MACROD2: variants seen among roughly 807,000 people sequenced by gnomAD.
MACROD2 encodes the protein mono-ADP ribosylhydrolase 2, also known as ADP-ribose glycohydrolase MACROD2.
Under a neutral mutation model 70.4 loss-of-function variants are expected in MACROD2, and 36 were observed. That is an observed-to-expected ratio of 0.51 (90% CI 0.39 to 0.68). The LOEUF (loss-of-function observed/expected upper bound fraction) is 0.68, where lower values mean the gene tolerates loss of function less well. Among genes scored for constraint, MACROD2 ranks in the 30% least tolerant of loss-of-function variants. MACROD2 has a pLI of 0.00. For synonymous variants in MACROD2, 172 were observed against 178.8 expected (o/e 0.96, Z 0.30); for missense variants, 496 against 538.4 (o/e 0.92, Z 0.78).
intron 3 of MACROD2, among the ~76,000 whole-genome samples, chr20:14,420,232 T>C (rs1170060293): frequency 6.6e-6 from 1 of 151,730 alleles, no homozygotes; most frequent in Non-Finnish European, 1.5e-5. Flanking sequence ...ACCACTCATA[T>C]GAGTAGTTTT....
chr20:15,643,546 T>C (rs2049494509), intron 8 of MACROD2, among the ~76,000 whole-genome samples: 1 of 146,214 alleles, frequency 6.8e-6, no homozygotes. Flanking sequence ...TTATGGAATA[T>C]GGTTTGTTTG....
At chr20:14,946,240 T>C (rs775211272) in intron 5 of MACROD2, among the ~76,000 whole-genome samples, 7 of 152,114 alleles carry the variant, frequency 4.6e-5, no homozygotes, top group Non-Finnish European at 7.4e-5. Context: ...TCAGTGAATG[T>C]TGTGGAATAA....
chr20:15,743,932 AT>A (rs1237108262), intron 8 of MACROD2, among the ~76,000 whole-genome samples: 4 of 152,150 alleles, frequency 2.6e-5, no homozygotes, highest in Non-Finnish European at 4.4e-5. Context: ...TCAAAAAGGA[AT>A]GCCTGTGTAA....
intron 6 of MACROD2, among the ~76,000 whole-genome samples, chr20:15,342,742 G>GA (rs1444647369): frequency 6.6e-6 from 1 of 152,160 alleles, no homozygotes; most frequent in African/African-American, 2.4e-5. Context: ...GAGAAAGCAA[G>GA]AAAAGAGTGA....
At chr20:15,920,214 T>C (rs999872517) in intron 10 of MACROD2, among the ~76,000 whole-genome samples, 2 of 152,200 alleles carry the variant, frequency 1.3e-5, no homozygotes, top group African/African-American at 4.8e-5. Context: ...TCACAAAATA[T>C]ATGCAGAAAG....
At chr20:16,019,190 C>T (rs1231555978) in intron 15 of MACROD2, among the ~76,000 whole-genome samples, 1 of 152,018 alleles carries the variant, frequency 6.6e-6, no homozygotes, top group East Asian at 1.9e-4. Flanking sequence ...CAAAGAGAAC[C>T]AAAATTTGAA....
At position 14,297,111 on chromosome 20, in the gene MACROD2, TAATC is replaced by T. The variant is rs536734771; in HGVS notation, c.272-196364_272-196361del. 2.1e-3 allele frequency among the ~76,000 whole-genome samples: 321 copies of T among 151,982 alleles called. 1 individual carries two copies. Among genetic ancestry groups the T allele is most frequent in the Non-Finnish European group, 3.4e-3 (232 of 68,002 alleles). On this transcript the variant is annotated intron_variant, in intron 3 of 17. Coordinates refer to ENST00000684519, the MANE Select transcript of MACROD2 (RefSeq NM_001351661.2). The stretch of plus-strand genomic sequence containing the variant: ...CTGAGCACATATAAGATGGCAAACT[TAATC>T]AATAAATGTGTGTGTTTCTTCTTAC...
At chr20:15,127,057 TC>T (rs1326932663) in intron 5 of MACROD2, among the ~76,000 whole-genome samples, 1 of 152,104 alleles carries the variant, frequency 6.6e-6, no homozygotes, top group East Asian at 1.9e-4. Context: ...GCAGAACACT[TC>T]CACTGCCACA....
chr20:15,263,884 A>G (rs2077270264), intron 6 of MACROD2, among the ~76,000 whole-genome samples: 2 of 152,210 alleles, frequency 1.3e-5, no homozygotes, highest in East Asian at 1.9e-4. Flanking sequence ...TTGATTTTGT[A>G]TCCTGAAATT....
Position 16,050,008 on chromosome 20 carries a change from T to A in MACROD2, c.*132T>A. On this transcript the variant is annotated 3_prime_UTR_variant, in exon 18 of 18. Transcript: ENST00000684519. The stretch of plus-strand genomic sequence containing the variant: ...AGGACGGGGAATCCTTTACTCTAAT[T>A]TCTCCAGCTGCATTTTGTTCCGTTT... The A allele has an allele frequency of 1.5e-6, 1 of 672,370 alleles. No homozygotes were observed. Among genetic ancestry groups the A allele is most frequent in the Non-Finnish European group, 2.4e-6 (1 of 424,148 alleles). The allele number at this position is 672,370 out of a possible 1,614,324, so 41.7% of individuals were successfully genotyped here.
intron 5 of MACROD2, among the ~76,000 whole-genome samples, chr20:14,873,024 C>T (rs2073507145): frequency 6.6e-6 from 1 of 150,936 alleles, no homozygotes; most frequent in African/African-American, 2.4e-5. Flanking sequence ...ATTCAGTTAC[C>T]TCAACCTGGT....
intron 5 of MACROD2, among the ~76,000 whole-genome samples, chr20:15,006,745 G>A (rs533969399): frequency 3.9e-5 from 6 of 152,164 alleles, no homozygotes; most frequent in Admixed American, 6.5e-5. Flanking sequence ...GCAGAGGAGC[G>A]GGTCTTCCAT....
chr20:14,484,532 A>G (rs2084699560), intron 3 of MACROD2, among the ~76,000 whole-genome samples: 1 of 152,026 alleles, frequency 6.6e-6, no homozygotes, highest in Non-Finnish European at 1.5e-5. Flanking sequence ...ATTAGTTCTT[A>G]CTCATTCTTT....
intron 4 of MACROD2, among the ~76,000 whole-genome samples, chr20:14,538,717 C>T (rs909184941): frequency 1.3e-5 from 2 of 152,216 alleles, no homozygotes; most frequent in Non-Finnish European, 2.9e-5. Context: ...TCACTGTCCT[C>T]TTGTTATCCT....
At chr20:14,955,608 A>C (rs1465536655) in intron 5 of MACROD2, among the ~76,000 whole-genome samples, 1 of 152,074 alleles carries the variant, frequency 6.6e-6, no homozygotes, top group Non-Finnish European at 1.5e-5. Context: ...CTCATCTACC[A>C]GTGTTCACCC....
At chr20:14,938,049 T>A (rs1238646782) in intron 5 of MACROD2, among the ~76,000 whole-genome samples, 1 of 151,584 alleles carries the variant, frequency 6.6e-6, no homozygotes, top group Non-Finnish European at 1.5e-5. Context: ...ATGACTCATG[T>A]TCAATTGCAT....
At chr20:15,930,949 T>C (rs2065567074) in intron 10 of MACROD2, among the ~76,000 whole-genome samples, 1 of 152,186 alleles carries the variant, frequency 6.6e-6, no homozygotes, top group Non-Finnish European at 1.5e-5. Context: ...ATAAGTAATC[T>C]CCCTACCCCT....
chr20:15,485,449 A>G lies in MACROD2; in HGVS notation c.572-14325A>G, dbSNP rs543204254. ...GGTTTTCCTGGCACATTACAACTCC[A>G]GGCTATCTTGTATCTGCTTACTACA... On this transcript the variant is annotated intron_variant, in intron 7 of 17. Coordinates refer to ENST00000684519, the MANE Select transcript of MACROD2 (RefSeq NM_001351661.2). Among the ~76,000 whole-genome samples, 35 of 152,196 alleles carry G rather than the reference A, an allele frequency of 2.3e-4. 1 individual carries two copies. The South Asian group carries it at 7.3e-3, about 32-fold the overall frequency.
chr20:14,382,039 A>G (rs1190874571), intron 3 of MACROD2, among the ~76,000 whole-genome samples: 6 of 151,384 alleles, frequency 4.0e-5, no homozygotes, highest in African/African-American at 7.3e-5. Context: ...TTTTGGTACC[A>G]CATATACTAT....
Sources: allele counts gnomAD v4.1 joint callset (sites outside exome capture counted in the v4.1 genomes callset), GRCh38; gene constraint gnomAD v4.1.1; transcripts MANE v1.5; gene names NCBI Gene and HGNC (gene_info 2026-07-23, HGNC 2026-07-21).